Variants in PAM observed in about 807,000 individuals in gnomAD.
The protein encoded by PAM is peptidyl-glycine alpha-amidating monooxygenase.
Under a neutral mutation model 122.1 loss-of-function variants are expected in PAM, and 72 were observed. The ratio of observed to expected loss-of-function variants is 0.59; its 90% CI spans 0.49 to 0.72. PAM has a LOEUF of 0.72. Ranked by LOEUF, PAM falls within the 30% of genes least tolerant of loss-of-function variation. The pLI is 0.00. For synonymous variants in PAM, 389 were observed against 404.4 expected, an observed-to-expected ratio of 0.96 and a Z score of 0.46; for missense variants, 1,106 against 1,183.7, an observed-to-expected ratio of 0.93 and a Z score of 0.96.
chr5:102,783,461 A>G (rs1376702158), intron 1 of PAM, among the ~76,000 whole-genome samples: 2 of 152,152 alleles, frequency 1.3e-5, no homozygotes, highest in African/African-American at 4.8e-5. Flanking sequence ...GATTTTTTCA[A>G]TACCAACACC....
chr5:102,850,496 T>TC (rs1350315173), intron 1 of PAM, among the ~76,000 whole-genome samples: 3 of 152,210 alleles, frequency 2.0e-5, no homozygotes, highest in Non-Finnish European at 4.4e-5. Flanking sequence ...AGAGGGCTGT[T>TC]CCATAACTTG....
At chr5:102,755,710 C>T (rs530392494) in intron 1 of PAM, among the ~76,000 whole-genome samples, 12 of 152,076 alleles carry the variant, frequency 7.9e-5, no homozygotes, top group African/African-American at 2.9e-4. Flanking sequence ...ACAATTTGTT[C>T]ATTCGCCTTT....
At chr5:102,989,937 T>C (rs1310337190) in intron 15 of PAM, 1 of 165,920 alleles carries the variant, frequency 6.0e-6, no homozygotes, top group Non-Finnish European at 1.3e-5. Context: ...GCCATGTATG[T>C]TGTCGTATTT....
chr5:102,795,454 T>C (rs530905396), intron 1 of PAM, among the ~76,000 whole-genome samples: 1 of 152,306 alleles, frequency 6.6e-6, no homozygotes, highest in African/African-American at 2.4e-5. Flanking sequence ...TAAAAGTGCT[T>C]ATCAGAGCAA....
intron 4 of PAM, among the ~76,000 whole-genome samples, chr5:102,912,837 G>T (rs1307267564): frequency 1.3e-5 from 2 of 151,950 alleles, no homozygotes; most frequent in Non-Finnish European, 2.9e-5. Flanking sequence ...TACTTTCATT[G>T]CAGTAAAAGA....
chr5:102,773,898 C>G (rs1180860254), intron 1 of PAM, among the ~76,000 whole-genome samples: 2 of 151,954 alleles, frequency 1.3e-5, no homozygotes, highest in Non-Finnish European at 2.9e-5. Flanking sequence ...ACCCCAGTAT[C>G]TGTTGTTTCA....
At chr5:102,903,531 A>T (rs1276229946) in intron 4 of PAM, among the ~76,000 whole-genome samples, 1 of 151,564 alleles carries the variant, frequency 6.6e-6, no homozygotes, top group African/African-American at 2.4e-5. Flanking sequence ...TCTGTGACTT[A>T]ATGAGGAGCT....
At chr5:102,755,411 G>T (rs1251038656) in intron 1 of PAM, 63 bp downstream of exon 1, 1 of 152,054 alleles carries the variant, frequency 6.6e-6, no homozygotes, top group Non-Finnish European at 1.5e-5. Flanking sequence ...GAGGGTGGGG[G>T]CGCGGAAGGG....
At chr5:102,864,298 C>T (rs1784952866) in intron 1 of PAM, among the ~76,000 whole-genome samples, 1 of 151,492 alleles carries the variant, frequency 6.6e-6, no homozygotes. Flanking sequence ...GTTTCTCTTC[C>T]TCCAGAAGGA....
chr5:102,841,272 A>C (rs2150572787), intron 1 of PAM, among the ~76,000 whole-genome samples: 1 of 152,234 alleles, frequency 6.6e-6, no homozygotes, highest in South Asian at 2.1e-4. Flanking sequence ...CAGATTAAGT[A>C]TTTTTGATTT....
chr5:102,961,043 A>G, intron 13 of PAM, 115 bp from the exon 14 acceptor site: 1 of 526,112 alleles, frequency 1.9e-6, no homozygotes. Flanking sequence ...TTAATACGGT[A>G]ATAAGCACAA....
chr5:102,813,991 T>C (rs996875597), intron 1 of PAM, among the ~76,000 whole-genome samples: 6 of 152,222 alleles, frequency 3.9e-5, no homozygotes, highest in Non-Finnish European at 7.3e-5. Context: ...GCTTACTGTT[T>C]GTCATAGATG....
chr5:102,757,703 G>T (rs1750871040), intron 1 of PAM, among the ~76,000 whole-genome samples: 1 of 152,156 alleles, frequency 6.6e-6, no homozygotes, highest in Non-Finnish European at 1.5e-5. Flanking sequence ...CTTAAGGCCT[G>T]GTGGGTCCTG....
At chr5:102,880,308 T>G (rs1327278659) in intron 3 of PAM, among the ~76,000 whole-genome samples, 1 of 151,814 alleles carries the variant, frequency 6.6e-6, no homozygotes, top group East Asian at 1.9e-4. Flanking sequence ...GACATATGAC[T>G]GCATTTAACA....
chr5:102,792,276 A>C (rs1042298941), intron 1 of PAM, among the ~76,000 whole-genome samples: 1 of 152,188 alleles, frequency 6.6e-6, no homozygotes, highest in Non-Finnish European at 1.5e-5. Context: ...TAAAATCTTA[A>C]TGTTGAGAAA....
chr5:102,810,836 G>GA (rs374679274), intron 1 of PAM, among the ~76,000 whole-genome samples: 14 of 148,064 alleles, frequency 9.5e-5, no homozygotes, highest in African/African-American at 2.7e-4. Context: ...CTCAAAAAAA[G>GA]AAAAAAAAAA....
At chr5:103,011,237 G>A (rs1193723568) in intron 21 of PAM, among the ~76,000 whole-genome samples, 1 of 152,102 alleles carries the variant, frequency 6.6e-6, no homozygotes, top group Non-Finnish European at 1.5e-5. Flanking sequence ...CTCAAGCCAT[G>A]TGGCAAGTAA....
At chr5:102,891,341 C>A (rs1292517209) in intron 3 of PAM, among the ~76,000 whole-genome samples, 2 of 151,804 alleles carry the variant, frequency 1.3e-5, no homozygotes, top group Admixed American at 1.3e-4. Flanking sequence ...AAAGGAAAAT[C>A]CAAGAGCAGG....
intron 7 of PAM, among the ~76,000 whole-genome samples, chr5:102,930,537 C>T (rs748606604): frequency 3.9e-5 from 6 of 152,104 alleles, no homozygotes; most frequent in South Asian, 2.1e-4. Flanking sequence ...GGTCATCTGA[C>T]GTTGCTGGAA....
Sources: allele counts gnomAD v4.1 joint callset (sites outside exome capture counted in the v4.1 genomes callset), GRCh38; gene constraint gnomAD v4.1.1; transcripts MANE v1.5; gene names NCBI Gene and HGNC (gene_info 2026-07-23, HGNC 2026-07-21).